Variants in IGF2BP2 observed in about 807,000 individuals in gnomAD.
The protein encoded by IGF2BP2 is insulin-like growth factor 2 mRNA-binding protein 2.
Under a neutral mutation model 75.8 loss-of-function variants are expected in IGF2BP2, and 17 were observed. The ratio of observed to expected loss-of-function variants is 0.22; its 90% CI spans 0.15 to 0.34. IGF2BP2 has a LOEUF of 0.34. Among genes scored for constraint, IGF2BP2 ranks in the 10% least tolerant of loss-of-function variants. IGF2BP2 has a pLI of 1.00. For synonymous variants in IGF2BP2, 288 were observed against 295.6 expected (o/e 0.97, Z 0.26); for missense variants, 516 against 772.4 (o/e 0.67, Z 3.93).
chr3:185,693,705 AAT>A (rs1280538778), intron 4 of IGF2BP2, among the ~76,000 whole-genome samples: 2 of 152,214 alleles, frequency 1.3e-5, no homozygotes, highest in African/African-American at 2.4e-5. Flanking sequence ...AAACACCAAA[AAT>A]ATATGTTTCC....
chr3:185,740,617 T>C, intron 2 of IGF2BP2, among the ~76,000 whole-genome samples: 1 of 152,232 alleles, frequency 6.6e-6, no homozygotes, highest in Non-Finnish European at 1.5e-5. Flanking sequence ...ACTAACCTAT[T>C]TTCTTAATGT....
intron 2 of IGF2BP2, among the ~76,000 whole-genome samples, chr3:185,711,224 C>T (rs901565460): frequency 1.3e-5 from 2 of 152,180 alleles, no homozygotes; most frequent in African/African-American, 2.4e-5. Context: ...GGAGACTAGA[C>T]TTTTGCACAA....
chr3:185,665,717 A>T (rs903166343), intron 10 of IGF2BP2, among the ~76,000 whole-genome samples: 1 of 152,232 alleles, frequency 6.6e-6, no homozygotes, highest in African/African-American at 2.4e-5. Flanking sequence ...CTGTAATCCC[A>T]GCACTTTGGG....
At chr3:185,789,482 T>G (rs1435582617) in intron 2 of IGF2BP2, among the ~76,000 whole-genome samples, 1 of 152,100 alleles carries the variant, frequency 6.6e-6, no homozygotes, top group Non-Finnish European at 1.5e-5. Context: ...ACCACAGTCA[T>G]ATCCCCTTCC....
At chr3:185,692,897 C>T (rs559132113) in intron 4 of IGF2BP2, 135 bp from the exon 5 acceptor site, 22 of 699,414 alleles carry the variant, frequency 3.1e-5, no homozygotes, top group Non-Finnish European at 3.0e-5. Flanking sequence ...TGCATCTCTA[C>T]GTTTATTCAT....
chr3:185,757,798 C>G (rs1331993600), intron 2 of IGF2BP2, among the ~76,000 whole-genome samples: 6 of 152,148 alleles, frequency 3.9e-5, no homozygotes, highest in Non-Finnish European at 8.8e-5. Flanking sequence ...TTTCAAAGCT[C>G]CACTCCTAGT....
chr3:185,645,736 G>C lies in IGF2BP2; in HGVS notation c.1708-113C>G. 2.6e-6 allele frequency: 2 copies of C among 756,940 alleles called. No homozygotes were observed. Among genetic ancestry groups the C allele is most frequent in the Non-Finnish European group, 4.7e-6 (2 of 429,772 alleles). The allele number at this position is 756,940 out of a possible 1,614,324, so 46.9% of individuals were successfully genotyped here. A position where few individuals can be genotyped will look rare whatever the true frequency, so the allele number is the denominator to read the frequency against. ...TTGGGGATGAAGGGTGGAATGCTCA[G>C]ACAAGCATCATCTACCCACCCCCGC... On this transcript the variant is annotated intron_variant, in intron 15 of 15. Coordinates refer to ENST00000382199, the MANE Select transcript of IGF2BP2 (RefSeq NM_006548.6). The surrounding 1 kb of genome is among the most constrained non-coding windows in gnomAD (Gnocchi z 4.9).
intron 2 of IGF2BP2, among the ~76,000 whole-genome samples, chr3:185,768,533 TA>T (rs1733410819): frequency 6.6e-6 from 1 of 152,208 alleles, no homozygotes; most frequent in African/African-American, 2.4e-5. Flanking sequence ...CTTAAATATT[TA>T]AATTATATTT....
At chr3:185,653,719 C>T (rs560415768) in intron 12 of IGF2BP2, among the ~76,000 whole-genome samples, 1 of 152,274 alleles carries the variant, frequency 6.6e-6, no homozygotes, top group African/African-American at 2.4e-5. Flanking sequence ...ACACACCTGC[C>T]CCAGGTTGGC....
At chr3:185,671,488 G>C (rs2149209917) in intron 10 of IGF2BP2, among the ~76,000 whole-genome samples, 1 of 142,382 alleles carries the variant, frequency 7.0e-6, no homozygotes, top group South Asian at 2.2e-4. Flanking sequence ...AGTGAGACAA[G>C]ATCGCGCCAC....
At chr3:185,781,337 T>G (rs1735175600) in intron 2 of IGF2BP2, among the ~76,000 whole-genome samples, 1 of 152,156 alleles carries the variant, frequency 6.6e-6, no homozygotes, top group Non-Finnish European at 1.5e-5. Context: ...ATGTCAACAG[T>G]GTTTGAGGAG....
At position 185,686,429 on chromosome 3, in the gene IGF2BP2, T is replaced by C. The variant is rs1475626849; in HGVS notation, c.812+628A>G. On this transcript the variant is annotated intron_variant, in intron 7 of 15. Coordinates refer to ENST00000382199, the MANE Select transcript of IGF2BP2 (RefSeq NM_006548.6). ...GGGGGTAGTGAGGAGGAAGGACAGA[T>C]AGAAGAAAAAAGTGGAAGAAGAATA... is the stretch of plus-strand genomic sequence containing the variant. 6.7e-5 allele frequency among the ~76,000 whole-genome samples: 10 copies of C among 149,484 alleles called. No homozygotes were observed. In the East Asian group the frequency reaches 7.8e-4, roughly 12 times the overall value.
At chr3:185,672,892 T>C (rs969394304) in intron 9 of IGF2BP2, among the ~76,000 whole-genome samples, 1 of 152,136 alleles carries the variant, frequency 6.6e-6, no homozygotes, top group Non-Finnish European at 1.5e-5. Context: ...TATCTTGTCA[T>C]GGAAAATGAG....
intron 2 of IGF2BP2, among the ~76,000 whole-genome samples, chr3:185,787,220 C>G (rs549043547): frequency 5.6e-4 from 85 of 152,198 alleles, no homozygotes; most frequent in African/African-American, 2.0e-3. Flanking sequence ...GTGGCGATGG[C>G]TGCATAAACA....
At chr3:185,695,914 A>G (rs528895975) in intron 4 of IGF2BP2, among the ~76,000 whole-genome samples, 1 of 152,218 alleles carries the variant, frequency 6.6e-6, no homozygotes, top group African/African-American at 2.4e-5. Flanking sequence ...CAGCCTTCCA[A>G]GTAGCTGGGA....
intron 2 of IGF2BP2, among the ~76,000 whole-genome samples, chr3:185,784,294 T>C (rs958895809): frequency 1.8e-5 from 2 of 109,546 alleles, no homozygotes; most frequent in Non-Finnish European, 3.6e-5. Context: ...AGACAAAGTT[T>C]TGTGTTTACA....
chr3:185,799,330 G>A (rs1252380710), intron 2 of IGF2BP2, among the ~76,000 whole-genome samples: 2 of 152,094 alleles, frequency 1.3e-5, no homozygotes, highest in Non-Finnish European at 2.9e-5. Flanking sequence ...CCCAGAAGGC[G>A]GAGGCTGCAG....
Position 185,802,399 on chromosome 3 carries a change from T to C in IGF2BP2, c.239+20754A>G, listed in dbSNP as rs73885774. On this transcript the variant is annotated intron_variant, in intron 2 of 15. Coordinates refer to ENST00000382199, the MANE Select transcript of IGF2BP2 (RefSeq NM_006548.6). ...AAAGAAGCAGTTTGCCCAAGGTTTC[T>C]TTCTGCAAATTTGGAAATAACAGAA... 3.4e-3 allele frequency among the ~76,000 whole-genome samples: 520 copies of C among 152,242 alleles called. 1 individual carries two copies. Among genetic ancestry groups the C allele is most frequent in the African/African-American group, 0.012 (501 of 41,530 alleles).
At chr3:185,767,573 G>C (rs139844605) in intron 2 of IGF2BP2, among the ~76,000 whole-genome samples, 7 of 152,228 alleles carry the variant, frequency 4.6e-5, no homozygotes, top group South Asian at 4.1e-4. Context: ...TTTGAAAAAT[G>C]TATTTGACCA....
Sources: gnomAD v4.1 joint callset for allele counts (sites outside exome capture counted in the v4.1 genomes callset) on GRCh38, gnomAD v4.1.1 for gene constraint, Gnocchi (gnomAD v3.1) non-coding constraint, MANE v1.5 for transcripts, NCBI Gene and HGNC (gene_info 2026-07-23, HGNC 2026-07-21) for gene names.